ZNF469: variants seen among roughly 807,000 people sequenced by gnomAD.
The protein encoded by ZNF469 is zinc finger protein 469.
A neutral mutation model predicts 1.0 loss-of-function variants in ZNF469; 1 was observed. The ratio of observed to expected loss-of-function variants is 1.00; its 90% CI spans 0.35 to 4.73. ZNF469 has a LOEUF of 4.73. Among genes scored for constraint, ZNF469 ranks in the 30% most tolerant of loss-of-function variants. ZNF469 has a pLI of 0.16. For synonymous variants in ZNF469, 2,703 were observed against 2,363.4 expected, an observed-to-expected ratio of 1.14 and a Z score of -4.17; for missense variants, 6,100 against 5,356.3, an observed-to-expected ratio of 1.14 and a Z score of -4.33.
At chr16:88,291,954 G>T in the ZNF469 span, among the ~76,000 whole-genome samples, 1 of 152,002 alleles carries the variant, frequency 6.6e-6, no homozygotes, top group African/African-American at 2.4e-5. Context: ...GATGGCTGCT[G>T]GCTGCCCAGG....
At chr16:88,261,362 G>A in the ZNF469 span, among the ~76,000 whole-genome samples, 1 of 152,328 alleles carries the variant, frequency 6.6e-6, no homozygotes, top group East Asian at 1.9e-4. The surrounding 1 kb of genome is among the most constrained non-coding windows in gnomAD (Gnocchi z 6.0). Flanking sequence ...TTTGGGCTGG[G>A]GGAGGCTTGT....
At chr16:88,291,977 G>A in the ZNF469 span, among the ~76,000 whole-genome samples, 1,058 of 152,326 alleles carry the variant, frequency 6.9e-3, 9 homozygotes, top group African/African-American at 0.024. Flanking sequence ...AGGGGCTGGA[G>A]CCGAAGGTAT....
the ZNF469 span, among the ~76,000 whole-genome samples, chr16:88,241,712 A>G: frequency 2.0e-5 from 3 of 152,272 alleles, no homozygotes; most frequent in Non-Finnish European, 2.9e-5. This position sits in a 1 kb window ranked among gnomAD's most constrained non-coding sequence, Gnocchi z 4.8. Context: ...CCTCTCCACC[A>G]TGCACACTGG....
At chr16:88,200,193 G>A in the ZNF469 span, among the ~76,000 whole-genome samples, 5 of 152,288 alleles carry the variant, frequency 3.3e-5, no homozygotes, top group East Asian at 3.9e-4. Flanking sequence ...CAGGCTTCAC[G>A]CAGAAGGCGG....
chr16:88,113,514 T>A, the ZNF469 span, among the ~76,000 whole-genome samples: 1 of 152,168 alleles, frequency 6.6e-6, no homozygotes, highest in South Asian at 2.1e-4. Context: ...TCCAGCCCTG[T>A]GGACGCAGGA....
At chr16:88,354,667 G>A in the ZNF469 span, among the ~76,000 whole-genome samples, 6 of 152,202 alleles carry the variant, frequency 3.9e-5, no homozygotes, top group South Asian at 1.2e-3. Flanking sequence ...TGCTGTTAGG[G>A]TGCGCTCATG....
chr16:88,408,629 G>C (rs1049093280), intron 1 of ZNF469, among the ~76,000 whole-genome samples: 1 of 152,310 alleles, frequency 6.6e-6, no homozygotes, highest in Admixed American at 6.5e-5. Context: ...AGCACTGACT[G>C]CTCAGGGCTG....
chr16:88,132,750 G>A, the ZNF469 span, among the ~76,000 whole-genome samples: 1 of 152,214 alleles, frequency 6.6e-6, no homozygotes, highest in Non-Finnish European at 1.5e-5. Flanking sequence ...CTGGCTGAGT[G>A]TCCTGGGGCA....
At chr16:88,370,784 A>G in the ZNF469 span, among the ~76,000 whole-genome samples, 1 of 152,196 alleles carries the variant, frequency 6.6e-6, no homozygotes, top group Non-Finnish European at 1.5e-5. Context: ...TCCTGCCTTC[A>G]AGATTGGAGT....
At chr16:88,263,189 C>T in the ZNF469 span, among the ~76,000 whole-genome samples, 1 of 152,176 alleles carries the variant, frequency 6.6e-6, no homozygotes, top group Admixed American at 6.5e-5. Context: ...CTCAGGTTCC[C>T]GGACGATACT....
At chr16:88,396,959 A>ATGAAGGGAGGCCGGGAGGAGACCCGTC (rs1904697167) in intron 1 of ZNF469, among the ~76,000 whole-genome samples, 9 of 49,648 alleles carry the variant, frequency 1.8e-4, no homozygotes, top group African/African-American at 3.0e-4. Context: ...GGAGACCCTC[A>ATGAAGGGAGGCCGGGAGGAGACCCGTC]TGAAGGGAGG....
At chr16:88,239,703 ATATATATATATATTTTTTTTTTTTT>A in the ZNF469 span, among the ~76,000 whole-genome samples, 5 of 6,322 alleles carry the variant, frequency 7.9e-4, 1 homozygote, top group African/African-American at 2.8e-3. Flanking sequence ...ATATATATAT[ATATATATATATATTTTTTTTTTTTT>A]TTTTTTTTTT....
chr16:88,103,249 G>A, the ZNF469 span, among the ~76,000 whole-genome samples: 13 of 152,274 alleles, frequency 8.5e-5, no homozygotes, highest in South Asian at 8.3e-4. Flanking sequence ...TCTTAGGGAC[G>A]CAGAGCTTCC....
the ZNF469 span, among the ~76,000 whole-genome samples, chr16:88,328,043 G>A: frequency 6.6e-6 from 1 of 152,192 alleles, no homozygotes; most frequent in African/African-American, 2.4e-5. Flanking sequence ...CGGCACACAC[G>A]GCGACTCCCA....
chr16:88,321,605 G>T, the ZNF469 span, among the ~76,000 whole-genome samples: 1 of 150,614 alleles, frequency 6.6e-6, no homozygotes, highest in Admixed American at 6.6e-5. Context: ...CCTGATTGGT[G>T]TGGCCTCAGA....
At chr16:88,425,084 A>G (rs1311797877) in intron 2 of ZNF469, among the ~76,000 whole-genome samples, 1 of 152,044 alleles carries the variant, frequency 6.6e-6, no homozygotes, top group African/African-American at 2.4e-5. Context: ...GTGTCACCTG[A>G]TGTTCCTCAT....
At chr16:88,352,949 C>T in the ZNF469 span, among the ~76,000 whole-genome samples, 752 of 152,260 alleles carry the variant, frequency 4.9e-3, 2 homozygotes, top group African/African-American at 0.017. Context: ...GAGAGCCAGG[C>T]CCAGCCTGGG....
chr16:88,300,843 T>C, the ZNF469 span, among the ~76,000 whole-genome samples: 1 of 152,076 alleles, frequency 6.6e-6, no homozygotes, highest in African/African-American at 2.4e-5. Flanking sequence ...GGCGGTTGGA[T>C]CACCTGAGGT....
At position 88,432,795 on chromosome 16, in the gene ZNF469, G is replaced by T; in HGVS notation, c.5325G>T (p.Gly1775=). Reference sequence around the variant, plus strand: ...TGCTTCCCTGTGAACAGAGAGGAGGGTTCCTCCCAGAGCCCGGCACAGCAG... The same window carrying T: ...TGCTTCCCTGTGAACAGAGAGGAGGTTTCCTCCCAGAGCCCGGCACAGCAG... The part of the protein sequence containing the change: ...LRLLPCEQRG[G]FLPEPGTADQ... Residue 1775 remains glycine, a synonymous_variant, in exon 3 of 3, where the codon GGG becomes GGT. Transcript: ENST00000565624. 1 of 1,550,370 alleles carries T rather than the reference G, an allele frequency of 6.5e-7. No homozygotes were observed. Among genetic ancestry groups the T allele is most frequent in the Non-Finnish European group, 8.7e-7 (1 of 1,146,998 alleles).
Sources: allele counts gnomAD v4.1 joint callset (sites outside exome capture counted in the v4.1 genomes callset), GRCh38; gene constraint gnomAD v4.1.1; non-coding constraint Gnocchi (gnomAD v3.1); transcripts MANE v1.5; gene names NCBI Gene and HGNC (gene_info 2026-07-23, HGNC 2026-07-21).